RFFL: variants seen among roughly 807,000 people sequenced by gnomAD.
RFFL encodes the protein ring finger and FYVE like domain containing E3 ubiquitin protein ligase.
A neutral mutation model predicts 40.4 loss-of-function variants in RFFL; 16 were observed. The ratio of observed to expected loss-of-function variants is 0.40; its 90% confidence interval spans 0.27 to 0.60. The LOEUF (loss-of-function observed/expected upper bound fraction) is 0.60. RFFL is among the 20% of genes least tolerant of loss of function. The pLI, the probability that RFFL is intolerant of heterozygous loss-of-function variation, is 0.47. For missense variants in RFFL, 367 were observed against 451.7 expected (o/e 0.81, Z 1.70); for synonymous variants, 154 against 167.9 (o/e 0.92, Z 0.64).
chr17:35,029,520 T>G lies in RFFL; in HGVS notation c.-8-2959A>C, dbSNP rs564362240. On this transcript the variant is annotated intron_variant, in intron 1 of 6. Coordinates refer to ENST00000394597, the MANE Select transcript of RFFL (RefSeq NM_001017368.2). ...CATCATGCCCAGCTAATTTTTGCTT[T>G]CTTTTTTTTTTTTTTTTTGAGACGG... Among the ~76,000 whole-genome samples, 14 of 130,952 alleles carry G rather than the reference T, an allele frequency of 1.1e-4. 1 individual carries two copies. The South Asian group carries it at 3.4e-3, about 32-fold the overall frequency. 85.9% of individuals were successfully genotyped at this position (130,952 alleles called of 152,430 possible).
intron 1 of RFFL, among the ~76,000 whole-genome samples, chr17:35,079,776 GT>G (rs1043411522): frequency 2.0e-5 from 3 of 152,160 alleles, no homozygotes; most frequent in Non-Finnish European, 4.4e-5. Context: ...CAACAGGAAG[GT>G]GGAATGCCCT....
intron 1 of RFFL, among the ~76,000 whole-genome samples, chr17:35,060,736 T>C (rs2091286494): frequency 1.3e-5 from 2 of 152,172 alleles, no homozygotes; most frequent in East Asian, 1.9e-4. Flanking sequence ...TGAAAAACCA[T>C]GCCATCTAAC....
chr17:35,055,335 C>G (rs2091254376), intron 1 of RFFL, among the ~76,000 whole-genome samples: 1 of 152,098 alleles, frequency 6.6e-6, no homozygotes, highest in South Asian at 2.1e-4. Flanking sequence ...CATTATGAAG[C>G]TGTCTTCAGA....
chr17:35,055,210 G>A (rs2091253720), intron 1 of RFFL, among the ~76,000 whole-genome samples: 1 of 151,826 alleles, frequency 6.6e-6, no homozygotes, highest in African/African-American at 2.4e-5. Context: ...GAGCCACAGC[G>A]CCCGGCCAAT....
Position 35,043,029 on chromosome 17 carries a change from C to A in RFFL, c.-8-16468G>T, listed in dbSNP as rs1219478378. 4.6e-5 allele frequency among the ~76,000 whole-genome samples: 7 copies of A among 152,136 alleles called. No homozygotes were observed. In the East Asian group the frequency reaches 1.2e-3, roughly 25 times the overall value. Reference sequence around the variant, plus strand: ...GAAAACATTTCCAAAGCTTTTAATACTAATAGACATTTTCTATCCTCCAAG... The same window carrying A: ...GAAAACATTTCCAAAGCTTTTAATAATAATAGACATTTTCTATCCTCCAAG... On this transcript the variant is annotated intron_variant, in intron 1 of 6. Transcript: ENST00000394597.
At chr17:35,071,620 CA>C (rs879638343) in intron 1 of RFFL, among the ~76,000 whole-genome samples, 107 of 132,730 alleles carry the variant, frequency 8.1e-4, no homozygotes, top group Non-Finnish European at 1.0e-3. Flanking sequence ...AGACACTGTC[CA>C]AAAAAAAAAA....
At chr17:35,074,578 G>A (rs2091367093) in intron 1 of RFFL, among the ~76,000 whole-genome samples, 1 of 152,146 alleles carries the variant, frequency 6.6e-6, no homozygotes, top group African/African-American at 2.4e-5. Context: ...GTGAGGCTTT[G>A]GGCCCCCTCT....
intron 5 of RFFL, 64 bp downstream of exon 5, chr17:35,016,306 A>T (rs1468539240): frequency 2.1e-6 from 3 of 1,437,764 alleles, no homozygotes; most frequent in African/African-American, 2.8e-5. Context: ...CAATACCATC[A>T]TGCTTTGGAG....
intron 1 of RFFL, among the ~76,000 whole-genome samples, chr17:35,040,375 G>C (rs1158072820): frequency 1.3e-5 from 2 of 151,254 alleles, no homozygotes; most frequent in African/African-American, 4.8e-5. Context: ...GCCAAGGCGG[G>C]CAGATCACTT....
chr17:35,016,051 G>C (rs1014353998), intron 5 of RFFL, among the ~76,000 whole-genome samples: 3 of 152,214 alleles, frequency 2.0e-5, no homozygotes, highest in Non-Finnish European at 2.9e-5. Flanking sequence ...GGTGAGTAGG[G>C]AGGGGATAGC....
intron 1 of RFFL, among the ~76,000 whole-genome samples, chr17:35,083,663 C>A (rs1287070286): frequency 6.6e-6 from 1 of 151,756 alleles, no homozygotes; most frequent in Non-Finnish European, 1.5e-5. Context: ...TGTCTGTAGT[C>A]CCAGTTACTT....
At chr17:35,026,664 A>G in intron 1 of RFFL, 103 bp from the exon 2 acceptor site, 2 of 861,930 alleles carry the variant, frequency 2.3e-6, no homozygotes, top group Non-Finnish European at 3.6e-6. Flanking sequence ...CAATGCACGC[A>G]TGCCACCAAG....
chr17:35,076,632 C>T (rs1473217623), intron 1 of RFFL: 1 of 150,286 alleles, frequency 6.7e-6, no homozygotes, highest in Non-Finnish European at 1.5e-5. Context: ...GAGCCAAGAT[C>T]GCACGATTGC....
intron 1 of RFFL, among the ~76,000 whole-genome samples, chr17:35,060,178 T>C (rs1190315011): frequency 1.1e-4 from 17 of 152,158 alleles, no homozygotes; most frequent in Admixed American, 1.0e-3. Flanking sequence ...TTCCAGATAT[T>C]TGAAGTATAA....
chr17:35,058,757 C>T lies in RFFL; in HGVS notation c.-9+4819G>A, dbSNP rs534009162. 4.1e-4 allele frequency among the ~76,000 whole-genome samples: 63 copies of T among 152,034 alleles called. 1 individual carries two copies. In the South Asian group the frequency reaches 0.012, roughly 29 times the overall value. On this transcript the variant is annotated intron_variant, in intron 1 of 6. Transcript: ENST00000394597. ...CTGCACTCCAGCCTGGGTGACAGAG[C>T]GAGACTCTGTTTCAAAAAATAAAGT...
chr17:35,055,671 C>CA (rs1475235052), intron 1 of RFFL, among the ~76,000 whole-genome samples: 2,846 of 125,668 alleles, frequency 0.023, 133 homozygotes, highest in African/African-American at 0.098. Context: ...AACTCCATCT[C>CA]AAAAAAAAAC....
At chr17:35,071,847 A>G (rs1283145167) in intron 1 of RFFL, among the ~76,000 whole-genome samples, 1 of 152,208 alleles carries the variant, frequency 6.6e-6, no homozygotes, top group Admixed American at 6.5e-5. Context: ...TGGTATATAC[A>G]CACCATGGAA....
At chr17:35,078,205 G>C (rs550488531) in intron 1 of RFFL, among the ~76,000 whole-genome samples, 4 of 151,900 alleles carry the variant, frequency 2.6e-5, no homozygotes, top group Admixed American at 1.3e-4. Flanking sequence ...TAAAATTTAA[G>C]ATCTATTGCA....
upstream of RFFL, chr17:35,063,960 T>A (rs2091308326): frequency 1.3e-5 from 2 of 152,232 alleles, no homozygotes; most frequent in Admixed American, 1.3e-4. Flanking sequence ...CCAGAGCCCT[T>A]ACCCAAAAAG....
Sources: gnomAD v4.1 joint callset for allele counts (sites outside exome capture counted in the v4.1 genomes callset) on GRCh38, gnomAD v4.1.1 for gene constraint, MANE v1.5 for transcripts, NCBI Gene and HGNC (gene_info 2026-07-23, HGNC 2026-07-21) for gene names.